Variants in ZCCHC7 observed in about 807,000 individuals in gnomAD.
The protein encoded by ZCCHC7 is zinc finger CCHC domain-containing protein 7.
ZCCHC7 carries 35 observed loss-of-function variants against 52.0 expected under a neutral mutation model. That is an observed-to-expected ratio of 0.67 (90% confidence interval 0.51 to 0.89). The LOEUF (loss-of-function observed/expected upper bound fraction) is 0.89, where lower values mean the gene tolerates loss of function less well. Ranked by LOEUF, ZCCHC7 falls within the 40% of genes least tolerant of loss-of-function variation. The pLI, the probability that ZCCHC7 is intolerant of heterozygous loss-of-function variation, is 0.00. For missense variants in ZCCHC7, 574 were observed against 649.1 expected, an observed-to-expected ratio of 0.88 and a Z score of 1.26; for synonymous variants, 217 against 221.5, an observed-to-expected ratio of 0.98 and a Z score of 0.18.
chr9:37,122,139 T>A (rs963720112), intron 1 of ZCCHC7, among the ~76,000 whole-genome samples: 1 of 152,206 alleles, frequency 6.6e-6, no homozygotes, highest in Admixed American at 6.5e-5. Context: ...TAAAGATATT[T>A]GGAAGTAAAT....
intron 2 of ZCCHC7, among the ~76,000 whole-genome samples, chr9:37,199,670 T>TTCTCTCTG (rs1217743489): frequency 2.0e-5 from 3 of 148,960 alleles, no homozygotes; most frequent in Admixed American, 6.7e-5. Context: ...CTGTCTGTCT[T>TTCTCTCTG]TCTCTCTGTC....
intron 2 of ZCCHC7, among the ~76,000 whole-genome samples, chr9:37,226,308 T>C (rs917587243): frequency 6.6e-6 from 1 of 152,158 alleles, no homozygotes; most frequent in African/African-American, 2.4e-5. Context: ...TGGAGAGTTA[T>C]ATCATGTTCA....
chr9:37,200,926 C>T lies in ZCCHC7; in HGVS notation c.610+73984C>T, dbSNP rs575463337. Among the ~76,000 whole-genome samples, 12 of 152,292 alleles carry T rather than the reference C, an allele frequency of 7.9e-5. No individual in the cohort carries two copies. The East Asian group carries it at 1.3e-3, about 17-fold the overall frequency. ...TCTGTAATGTTAAGTCTTCATCACACTTTGTGTGACTTAATCAGATTGTGA... is the reference window on the plus strand; with the variant it reads ...TCTGTAATGTTAAGTCTTCATCACATTTTGTGTGACTTAATCAGATTGTGA... On this transcript the variant is annotated intron_variant, in intron 2 of 8. Transcript: ENST00000336755.
chr9:37,282,375 A>G (rs1827999510), intron 2 of ZCCHC7, among the ~76,000 whole-genome samples: 1 of 152,040 alleles, frequency 6.6e-6, no homozygotes, highest in African/African-American at 2.4e-5. Context: ...AGGCCGAGAC[A>G]GGCGGATCAC....
At chr9:37,199,559 C>T (rs1028583393) in intron 2 of ZCCHC7, among the ~76,000 whole-genome samples, 2 of 151,902 alleles carry the variant, frequency 1.3e-5, no homozygotes, top group African/African-American at 4.8e-5. Flanking sequence ...TCTCGAACTC[C>T]TGACTTCAGG....
At chr9:37,283,307 C>T (rs1301941656) in intron 2 of ZCCHC7, among the ~76,000 whole-genome samples, 2 of 152,114 alleles carry the variant, frequency 1.3e-5, no homozygotes, top group Non-Finnish European at 2.9e-5. Flanking sequence ...TGTATATAAT[C>T]TAAGTTCCCA....
chr9:37,273,230 G>A (rs140287618), intron 2 of ZCCHC7, among the ~76,000 whole-genome samples: 6 of 152,230 alleles, frequency 3.9e-5, no homozygotes, highest in Admixed American at 1.3e-4. Flanking sequence ...CTGGCTGGGC[G>A]CGGTGGCTCA....
At position 37,212,026 on chromosome 9, in the gene ZCCHC7, C is replaced by CAAAAA. The variant is rs574190937; in HGVS notation, c.610+85119_610+85123dup. ...TGGGTGACAGAGCGAGACTCCGTCTCAAAAAAAAAAAAAAAAAAAAAAAAA... is the reference window on the plus strand; with the variant it reads ...TGGGTGACAGAGCGAGACTCCGTCTCAAAAAAAAAAAAAAAAAAAAAAAAAAAAAA... On this transcript the variant is annotated intron_variant, in intron 2 of 8. Coordinates refer to ENST00000336755, the MANE Select transcript of ZCCHC7 (RefSeq NM_032226.3). 4.0e-3 allele frequency among the ~76,000 whole-genome samples: 222 copies of CAAAAA among 55,390 alleles called. 20 individuals carry two copies. The highest frequency in any genetic ancestry group is 5.2e-3 in the East Asian group (5 of 954). The allele number at this position is 55,390 out of a possible 152,430, so 36.3% of individuals were successfully genotyped here. A position where few individuals can be genotyped will look rare whatever the true frequency, so the allele number is the denominator to read the frequency against.
intron 2 of ZCCHC7, among the ~76,000 whole-genome samples, chr9:37,222,842 A>G (rs1824896002): frequency 6.6e-6 from 1 of 152,130 alleles, no homozygotes; most frequent in African/African-American, 2.4e-5. Flanking sequence ...GAAACCAGTA[A>G]AGAAACGCTC....
intron 2 of ZCCHC7, among the ~76,000 whole-genome samples, chr9:37,147,822 T>C (rs1340454303): frequency 2.0e-5 from 3 of 152,082 alleles, no homozygotes; most frequent in East Asian, 1.9e-4. Context: ...AAAATACTTA[T>C]CAACTAATTT....
At chr9:37,327,004 GAA>G (rs896050332) in intron 5 of ZCCHC7, 1 of 152,038 alleles carries the variant, frequency 6.6e-6, no homozygotes, top group African/African-American at 2.4e-5. Context: ...AGCTTGGTTA[GAA>G]AAAGTGTCCT....
intron 5 of ZCCHC7, among the ~76,000 whole-genome samples, chr9:37,308,902 A>G (rs1435852996): frequency 6.6e-6 from 1 of 150,432 alleles, no homozygotes; most frequent in African/African-American, 2.5e-5. Flanking sequence ...AATCGCTTGA[A>G]CCTGGGAGGC....
chr9:37,180,514 GA>G (rs1292760256), intron 2 of ZCCHC7, among the ~76,000 whole-genome samples: 1 of 150,892 alleles, frequency 6.6e-6, no homozygotes, highest in African/African-American at 2.5e-5. Context: ...TTCACAATCT[GA>G]AAAAAACGTC....
intron 2 of ZCCHC7, among the ~76,000 whole-genome samples, chr9:37,211,910 C>G (rs1029630532): frequency 2.0e-5 from 3 of 151,560 alleles, no homozygotes; most frequent in Admixed American, 6.6e-5. Context: ...CGCCTGTAGT[C>G]CCAGCTACTT....
intron 2 of ZCCHC7, among the ~76,000 whole-genome samples, chr9:37,261,914 G>A (rs1218494663): frequency 6.6e-6 from 1 of 152,038 alleles, no homozygotes; most frequent in Non-Finnish European, 1.5e-5. Flanking sequence ...GGAACCAGAG[G>A]TCTTAGTAAA....
At chr9:37,276,431 A>C (rs566518863) in intron 2 of ZCCHC7, among the ~76,000 whole-genome samples, 2 of 152,292 alleles carry the variant, frequency 1.3e-5, no homozygotes, top group Admixed American at 6.5e-5. Context: ...TTACTTACCT[A>C]CTATGTGACC....
At chr9:37,270,556 T>C (rs1432655276) in intron 2 of ZCCHC7, among the ~76,000 whole-genome samples, 4 of 151,254 alleles carry the variant, frequency 2.6e-5, no homozygotes, top group Non-Finnish European at 5.9e-5. Context: ...TGGGCACATT[T>C]CTGTAATCCC....
intron 2 of ZCCHC7, among the ~76,000 whole-genome samples, chr9:37,286,697 T>G (rs1398942546): frequency 6.6e-6 from 1 of 151,986 alleles, no homozygotes; most frequent in Admixed American, 6.5e-5. Flanking sequence ...AATGTTTAAC[T>G]TAGTACCTGG....
intron 2 of ZCCHC7, among the ~76,000 whole-genome samples, chr9:37,252,916 C>T (rs1380362393): frequency 2.6e-5 from 4 of 152,066 alleles, no homozygotes; most frequent in Admixed American, 6.5e-5. Context: ...CCTTCTGAGA[C>T]CCCCACTTAA....
Sources: allele counts gnomAD v4.1 joint callset (sites outside exome capture counted in the v4.1 genomes callset), GRCh38; gene constraint gnomAD v4.1.1; transcripts MANE v1.5; gene names NCBI Gene and HGNC (gene_info 2026-07-23, HGNC 2026-07-21).